The following KCTD8 variants were observed in gnomAD, a reference collection of about 807,000 sequenced individuals.
The protein encoded by KCTD8 is BTB/POZ domain-containing protein KCTD8.
A neutral mutation model predicts 31.5 loss-of-function variants in KCTD8; 27 were observed. The ratio of observed to expected loss-of-function variants is 0.86; its 90% CI spans 0.63 to 1.18. The LOEUF is 1.18. KCTD8 is among the 50% of genes most tolerant of loss of function. The probability of loss-of-function intolerance (pLI) is 0.00; values close to 1 mark genes in which losing one functional copy is unlikely to be tolerated. For missense variants in KCTD8, 658 were observed against 647.7 expected (o/e 1.02, Z -0.17); for synonymous variants, 290 against 280.0 (o/e 1.04, Z -0.36).
At chr4:44,415,561 T>G (rs558421437) in intron 1 of KCTD8, among the ~76,000 whole-genome samples, 1 of 152,094 alleles carries the variant, frequency 6.6e-6, no homozygotes. Context: ...AGGCCCAGAG[T>G]GCCACTTCCC....
Position 44,447,648 on chromosome 4 carries a change from C to A in KCTD8, c.876G>T (p.Ala292=), listed in dbSNP as rs972839315. 1 of 1,610,656 alleles carries A rather than the reference C, an allele frequency of 6.2e-7. No homozygotes were observed. The highest frequency in any genetic ancestry group is 8.5e-7 in the Non-Finnish European group (1 of 1,178,666). ...AGGCGGCGGTGCCCGAGGAGTTACACGCCACCATGTGGAAGCCGGCCTCGG... is the reference window on the plus strand; with the variant it reads ...AGGCGGCGGTGCCCGAGGAGTTACAAGCCACCATGTGGAAGCCGGCCTCGG... ...RLSEAGFHMV[A]CNSSGTAAFV... is the part of the protein sequence containing the mutation. The change falls in exon 1 of 2, where the codon GCG becomes GCT. Residue 292 remains alanine, a synonymous_variant. Transcript: ENST00000360029.
intron 1 of KCTD8, among the ~76,000 whole-genome samples, chr4:44,297,907 C>A (rs1179498259): frequency 6.6e-6 from 1 of 152,106 alleles, no homozygotes; most frequent in Non-Finnish European, 1.5e-5. Context: ...AATTAGCGGC[C>A]AGTCCTTGCT....
At chr4:44,383,514 A>C (rs1216716340) in intron 1 of KCTD8, among the ~76,000 whole-genome samples, 2 of 151,994 alleles carry the variant, frequency 1.3e-5, no homozygotes, top group African/African-American at 2.4e-5. Context: ...AAAATCACAT[A>C]TTTACAGCCA....
intron 1 of KCTD8, among the ~76,000 whole-genome samples, chr4:44,260,438 A>T (rs886467507): frequency 2.2e-4 from 34 of 152,096 alleles, no homozygotes; most frequent in African/African-American, 8.2e-4. Context: ...AAGTATATAA[A>T]ATATAATGTT....
chr4:44,448,276 G>C lies in KCTD8; in HGVS notation c.248C>G (p.Ala83Gly). The change falls in exon 1 of 2, where the codon GCC (alanine) becomes GGC (glycine). Residue 83 changes from alanine to glycine, a missense_variant. By Grantham distance (60) the Ala-to-Gly change is moderately conservative. Coordinates refer to ENST00000360029, the MANE Select transcript of KCTD8 (RefSeq NM_198353.3). This position sits in a 1 kb window ranked among gnomAD's most constrained non-coding sequence, Gnocchi z 4.1. ...CCTGGGCAGCTCGCCCCGGCGCCGG[G>C]CGCCGCCACGGGGACTAGAGGGCGA... The part of the protein sequence containing the change: ...MFSPSSPRGG[A>G]RRRGELPRDS... The C allele has an allele frequency of 6.2e-7, 1 of 1,604,706 alleles. No homozygotes were observed. The highest frequency in any genetic ancestry group is 8.5e-7 in the Non-Finnish European group (1 of 1,176,526).
chr4:44,213,859 T>A (rs1385912338), intron 1 of KCTD8, among the ~76,000 whole-genome samples: 1 of 152,174 alleles, frequency 6.6e-6, no homozygotes, highest in East Asian at 1.9e-4. Flanking sequence ...TTGAGCTGGT[T>A]ATGTTGAGAA....
At chr4:44,235,578 TAGAG>T (rs371875444) in intron 1 of KCTD8, among the ~76,000 whole-genome samples, 144 of 64,020 alleles carry the variant, frequency 2.2e-3, no homozygotes, top group Middle Eastern at 0.011. Context: ...TATATATATT[TAGAG>T]AGAGAGAGAG....
At chr4:44,435,953 A>T (rs1382250090) in intron 1 of KCTD8, among the ~76,000 whole-genome samples, 1 of 152,144 alleles carries the variant, frequency 6.6e-6, no homozygotes, top group African/African-American at 2.4e-5. Context: ...TTCTTCAGGG[A>T]AAGTTCTTCC....
At chr4:44,379,364 T>C (rs184919444) in intron 1 of KCTD8, among the ~76,000 whole-genome samples, 7 of 152,258 alleles carry the variant, frequency 4.6e-5, no homozygotes, top group Admixed American at 3.9e-4. Context: ...TCCCTAACCT[T>C]GTGAAGTGAA....
intron 1 of KCTD8, among the ~76,000 whole-genome samples, chr4:44,258,637 A>C (rs1716065799): frequency 6.6e-6 from 1 of 151,924 alleles, no homozygotes; most frequent in African/African-American, 2.4e-5. Flanking sequence ...AAATAATCTA[A>C]GACTGTTTTC....
intron 1 of KCTD8, among the ~76,000 whole-genome samples, chr4:44,358,902 T>A (rs6819070): frequency 6.6e-6 from 1 of 152,164 alleles, no homozygotes; most frequent in South Asian, 2.1e-4. Flanking sequence ...TGGTTTTGAT[T>A]TGCATTTCTC....
chr4:44,179,725 A>T (rs979915251), intron 1 of KCTD8, among the ~76,000 whole-genome samples: 1 of 151,844 alleles, frequency 6.6e-6, no homozygotes, highest in Non-Finnish European at 1.5e-5. Context: ...AGGGATCACT[A>T]ATAGTCTTTT....
intron 1 of KCTD8, among the ~76,000 whole-genome samples, chr4:44,340,092 G>A (rs1287039123): frequency 3.3e-5 from 5 of 151,608 alleles, no homozygotes; most frequent in Admixed American, 2.6e-4. Flanking sequence ...TATGTAAAAG[G>A]GTGTGGAGAA....
chr4:44,356,155 G>A (rs1281118800), intron 1 of KCTD8, among the ~76,000 whole-genome samples: 1 of 152,044 alleles, frequency 6.6e-6, no homozygotes, highest in Admixed American at 6.6e-5. Context: ...ATAATTTTCA[G>A]AATTTGACTA....
chr4:44,435,640 A>AT (rs1288834891), intron 1 of KCTD8, among the ~76,000 whole-genome samples: 4 of 152,074 alleles, frequency 2.6e-5, no homozygotes, highest in Non-Finnish European at 5.9e-5. Context: ...TTATGCAACG[A>AT]TGTTTTTGCA....
intron 1 of KCTD8, among the ~76,000 whole-genome samples, chr4:44,404,617 T>G (rs561041279): frequency 6.4e-4 from 97 of 152,286 alleles, no homozygotes; most frequent in South Asian, 2.3e-3. Flanking sequence ...AGAGACAGAA[T>G]TCAGAAAGGG....
At chr4:44,433,792 T>C (rs1053679772) in intron 1 of KCTD8, among the ~76,000 whole-genome samples, 2 of 151,494 alleles carry the variant, frequency 1.3e-5, no homozygotes, top group African/African-American at 4.8e-5. Flanking sequence ...TCTGACTTCC[T>C]TCCTCCCAAA....
intron 1 of KCTD8, among the ~76,000 whole-genome samples, chr4:44,388,169 C>G (rs61379624): frequency 6.6e-6 from 1 of 151,856 alleles, no homozygotes; most frequent in East Asian, 1.9e-4. Context: ...CCATCTAACA[C>G]GAGTCAGAAT....
chr4:44,402,858 A>T (rs531644604), intron 1 of KCTD8, among the ~76,000 whole-genome samples: 1 of 152,328 alleles, frequency 6.6e-6, no homozygotes, highest in African/African-American at 2.4e-5. Context: ...AGCCATCCAG[A>T]GTACAAATGA....
Sources: gnomAD v4.1 joint callset for allele counts (sites outside exome capture counted in the v4.1 genomes callset) on GRCh38, gnomAD v4.1.1 for gene constraint, Gnocchi (gnomAD v3.1) non-coding constraint, MANE v1.5 for transcripts, NCBI Gene and HGNC (gene_info 2026-07-23, HGNC 2026-07-21) for gene names.